DIS3L: variants seen among roughly 807,000 people sequenced by gnomAD.
DIS3L encodes the protein DIS3-like exonuclease 1.
In DIS3L, 100 loss-of-function variants were observed where a neutral mutation model predicts 120.3. The ratio of observed to expected loss-of-function variants is 0.83; its 90% CI spans 0.71 to 0.98. DIS3L has a LOEUF of 0.98. DIS3L is among the 50% of genes least tolerant of loss of function. DIS3L has a pLI of 0.00. For synonymous variants in DIS3L, 426 were observed against 470.6 expected (o/e 0.91, Z 1.23); for missense variants, 1,196 against 1,314.2 (o/e 0.91, Z 1.39).
intron 2 of DIS3L, among the ~76,000 whole-genome samples, chr15:66,295,361 A>G (rs1056764210): frequency 3.3e-5 from 5 of 152,212 alleles, no homozygotes; most frequent in African/African-American, 1.2e-4. Flanking sequence ...AGTAAACTGC[A>G]GTGTCCCCAG....
intron 12 of DIS3L, among the ~76,000 whole-genome samples, chr15:66,328,162 A>G (rs556624034): frequency 6.6e-6 from 1 of 152,330 alleles, no homozygotes; most frequent in East Asian, 1.9e-4. Flanking sequence ...TTAAGTCTGA[A>G]GAGATTAAGT....
At chr15:66,294,933 A>G in intron 1 of DIS3L, 55 bp from the exon 2 acceptor site, 1 of 1,512,478 alleles carries the variant, frequency 6.6e-7, no homozygotes, top group East Asian at 2.5e-5. Flanking sequence ...TGACATTTAA[A>G]TAAACCAGGT....
chr15:66,293,493 G>A, upstream of DIS3L: 1 of 1,237,872 alleles, frequency 8.1e-7, no homozygotes, highest in Non-Finnish European at 1.0e-6. Flanking sequence ...CGGCAGTTAC[G>A]GCGGTTCCGG....
In DIS3L at chr15:66,293,584, G is replaced by C. The variant is rs1399989646; in HGVS notation, c.-13G>C. Reference sequence around the variant, plus strand: ...GCGCCCGCCACTCCGCGGCCGCCGGGAGACACGCCGCCATGCTGCAGAAGC... The same window carrying C: ...GCGCCCGCCACTCCGCGGCCGCCGGCAGACACGCCGCCATGCTGCAGAAGC... On this transcript the variant is annotated 5_prime_UTR_variant, in exon 1 of 17. Transcript: ENST00000319212. 5.7e-5 allele frequency: 81 copies of C among 1,426,198 alleles called. No individual in the cohort carries two copies. Among genetic ancestry groups the C allele is most frequent in the Non-Finnish European group, 7.2e-5 (79 of 1,089,694 alleles). 88.3% of individuals were successfully genotyped at this position (1,426,198 alleles called of 1,614,324 possible).
intron 1 of DIS3L, chr15:66,294,161 C>CT: frequency 1.0e-6 from 1 of 985,708 alleles, no homozygotes; most frequent in Non-Finnish European, 1.2e-6. Context: ...ACATCGCCTG[C>CT]TTTGCAGCCA....
At chr15:66,302,909 A>G (rs2092663948) in intron 2 of DIS3L, among the ~76,000 whole-genome samples, 1 of 152,228 alleles carries the variant, frequency 6.6e-6, no homozygotes, top group Admixed American at 6.5e-5. Context: ...GTTGTCAGCC[A>G]TCACCAACAT....
In DIS3L at chr15:66,320,630, A is replaced by C. The variant is rs2092873327; in HGVS notation, c.1224A>C (p.Gly408=). Residue 408 remains glycine, a synonymous_variant, in exon 9 of 17, where the codon GGA becomes GGC. Coordinates refer to ENST00000319212, the MANE Select transcript of DIS3L (RefSeq NM_001143688.3). ...SWESTSVYPN[G]HFVRVLGRIG... ...AGTCAACATCTGTGTATCCAAATGGACATTTTGTGCGTGTTTTAGGAAGAA... is the reference window on the plus strand; with the variant it reads ...AGTCAACATCTGTGTATCCAAATGGCCATTTTGTGCGTGTTTTAGGAAGAA... 1 of 1,613,906 alleles carries C rather than the reference A, an allele frequency of 6.2e-7. No homozygotes were observed. Among genetic ancestry groups the C allele is most frequent in the Admixed American group, 1.7e-5 (1 of 59,988 alleles).
chr15:66,299,614 T>C (rs1486612355), intron 2 of DIS3L, among the ~76,000 whole-genome samples: 2 of 151,420 alleles, frequency 1.3e-5, no homozygotes, highest in Non-Finnish European at 2.9e-5. Context: ...GGGAGGAGGC[T>C]TTTGCTTTAG....
chr15:66,301,615 C>T (rs2092649197), intron 2 of DIS3L, among the ~76,000 whole-genome samples: 2 of 152,204 alleles, frequency 1.3e-5, no homozygotes, highest in Admixed American at 1.3e-4. Context: ...GTTCTCCTGT[C>T]ATTCTGGTCG....
Position 66,320,572 on chromosome 15 carries a change from A to T in DIS3L, c.1166A>T (p.Asp389Val), listed in dbSNP as rs779748277. 10 of 1,612,266 alleles carry T rather than the reference A, an allele frequency of 6.2e-6. No homozygotes were observed. Among genetic ancestry groups the T allele is most frequent in the South Asian group, 1.1e-5 (1 of 90,598 alleles). Residue 389 changes from aspartate (D) to valine (V), a missense_variant and splice_region_variant, in exon 9 of 17, where the codon GAC becomes GTC. Asp to Val is a radical substitution (Grantham distance 152, BLOSUM62 -3). Transcript: ENST00000319212. Reference protein sequence around the residue: ...ISTQQAETLQDFRVVVRIDSW... With the variant: ...ISTQQAETLQVFRVVVRIDSW... ...GTTTTATTTTTTCCTTTTGTGCAGG[A>T]CTTCAGGGTGGTCGTGCGCATCGAT...
chr15:66,293,497 G>A, upstream of DIS3L: 9 of 1,248,232 alleles, frequency 7.2e-6, no homozygotes, highest in Non-Finnish European at 8.0e-6. Context: ...AGTTACGGCG[G>A]TTCCGGAGCC....
At chr15:66,305,256 C>T (rs1450455080) in intron 2 of DIS3L, among the ~76,000 whole-genome samples, 4 of 151,878 alleles carry the variant, frequency 2.6e-5, no homozygotes, top group Non-Finnish European at 5.9e-5. Flanking sequence ...TGCCTCGCCT[C>T]CCAAAGTGCT....
intron 9 of DIS3L, 48 bp downstream of exon 9, chr15:66,320,780 T>G (rs748816753): frequency 6.3e-7 from 1 of 1,577,594 alleles, no homozygotes; most frequent in African/African-American, 1.4e-5. Flanking sequence ...TCTTTTTGCT[T>G]TTGTTGTTGT....
At position 66,322,833 on chromosome 15, in the gene DIS3L, CA is replaced by C; in HGVS notation, c.1474del (p.Arg492GlufsTer3). 1.2e-6 allele frequency: 2 copies of C among 1,614,174 alleles called. No individual in the cohort carries two copies. The highest frequency in any genetic ancestry group is 1.7e-6 in the Non-Finnish European group (2 of 1,180,026). On this transcript the variant is annotated frameshift_variant, in exon 10 of 17. Transcript: ENST00000319212. LOFTEE classifies it high-confidence loss of function. ...CEDVDDTLSV[R>X]TLNNGNLELG... The stretch of plus-strand genomic sequence containing the variant: ...AAGATGTGGATGACACACTCTCAGT[CA>C]GAACCTTAAATAATGGCAACCTGGA...
At chr15:66,322,344 A>G (rs1257054850) in intron 9 of DIS3L, among the ~76,000 whole-genome samples, 1 of 152,186 alleles carries the variant, frequency 6.6e-6, no homozygotes, top group Non-Finnish European at 1.5e-5. Flanking sequence ...AAACAAATGG[A>G]TCATTTGAAA....
At chr15:66,303,448 G>A (rs1026146008) in intron 2 of DIS3L, among the ~76,000 whole-genome samples, 9 of 152,282 alleles carry the variant, frequency 5.9e-5, no homozygotes, top group Non-Finnish European at 1.0e-4. Flanking sequence ...AGGGCATTCA[G>A]TGCAGCACCC....
intron 7 of DIS3L, among the ~76,000 whole-genome samples, chr15:66,315,871 C>T (rs571599744): frequency 3.3e-5 from 5 of 152,300 alleles, no homozygotes; most frequent in Non-Finnish European, 5.9e-5. Flanking sequence ...CACTGGTCAG[C>T]CTCCATCGTC....
intron 8 of DIS3L, among the ~76,000 whole-genome samples, chr15:66,319,220 G>C (rs1033996288): frequency 2.0e-5 from 3 of 152,160 alleles, no homozygotes; most frequent in Admixed American, 6.5e-5. Flanking sequence ...TCACAGGCAT[G>C]AGCCACTGTG....
chr15:66,321,661 G>C (rs1426152950), intron 9 of DIS3L, among the ~76,000 whole-genome samples: 1 of 148,722 alleles, frequency 6.7e-6, no homozygotes, highest in South Asian at 2.2e-4. Context: ...AGCTACTCGG[G>C]AGGCTGAGGC....
Sources: allele counts gnomAD v4.1 joint callset (sites outside exome capture counted in the v4.1 genomes callset), GRCh38; gene constraint gnomAD v4.1.1; transcripts MANE v1.5; gene names NCBI Gene and HGNC (gene_info 2026-07-23, HGNC 2026-07-21).